AGMO: variants seen among roughly 807,000 people sequenced by gnomAD.
AGMO encodes the protein glyceryl-ether monooxygenase.
AGMO carries 75 observed loss-of-function variants against 60.2 expected under a neutral mutation model. The ratio of observed to expected loss-of-function variants is 1.25; its 90% confidence interval spans 1.03 to 1.51. The LOEUF (loss-of-function observed/expected upper bound fraction) is 1.51. AGMO is among the 40% of genes most tolerant of loss of function. The probability of loss-of-function intolerance (pLI) is 0.00; values close to 1 mark genes in which losing one functional copy is unlikely to be tolerated. For synonymous variants in AGMO, 261 were observed against 177.1 expected (o/e 1.47, Z -3.76); for missense variants, 763 against 525.5 (o/e 1.45, Z -4.42).
At chr7:15,518,906 A>G (rs1330965924) in intron 3 of AGMO, among the ~76,000 whole-genome samples, 1 of 151,976 alleles carries the variant, frequency 6.6e-6, no homozygotes, top group Non-Finnish European at 1.5e-5. Context: ...AATGCAAGGA[A>G]GCTAAGAATA....
intron 12 of AGMO, among the ~76,000 whole-genome samples, chr7:15,285,593 A>G (rs778453446): frequency 2.6e-4 from 40 of 152,124 alleles, no homozygotes; most frequent in Admixed American, 1.1e-3. Flanking sequence ...AAATGGAAAC[A>G]TATCCCAGGC....
At chr7:15,531,395 A>ATATATATTC (rs1784342525) in intron 3 of AGMO, among the ~76,000 whole-genome samples, 1 of 67,374 alleles carries the variant, frequency 1.5e-5, no homozygotes, top group Non-Finnish European at 2.4e-5. Context: ...TATATATTCT[A>ATATATATTC]TATATATATT....
chr7:15,315,934 A>T (rs566778725), intron 12 of AGMO, among the ~76,000 whole-genome samples: 26 of 152,244 alleles, frequency 1.7e-4, no homozygotes, highest in African/African-American at 6.3e-4. Flanking sequence ...CCATTCTAAT[A>T]TCTACTATTT....
intron 4 of AGMO, among the ~76,000 whole-genome samples, chr7:15,422,748 G>A (rs1436420525): frequency 2.6e-5 from 4 of 152,064 alleles, no homozygotes; most frequent in African/African-American, 9.7e-5. Flanking sequence ...ATCCATACAT[G>A]GAGGGGCACG....
intron 12 of AGMO, among the ~76,000 whole-genome samples, chr7:15,231,337 T>A (rs945860471): frequency 6.6e-6 from 1 of 152,206 alleles, no homozygotes; most frequent in Non-Finnish European, 1.5e-5. Context: ...TGATGGACTC[T>A]GCTTCTATAC....
intron 3 of AGMO, among the ~76,000 whole-genome samples, chr7:15,432,361 T>TATACATACATATATATATACACAC (rs370437254): frequency 1.8e-3 from 227 of 123,744 alleles, no homozygotes; most frequent in Middle Eastern, 0.014. Flanking sequence ...CATATATATA[T>TATACATACATATATATATACACAC]ACACACACAT....
At chr7:15,290,978 A>T (rs2128522037) in intron 12 of AGMO, among the ~76,000 whole-genome samples, 1 of 152,206 alleles carries the variant, frequency 6.6e-6, no homozygotes, top group East Asian at 1.9e-4. Flanking sequence ...TAGTCAGCCA[A>T]ATTTAGCTCC....
At chr7:15,422,237 T>G (rs965951921) in intron 4 of AGMO, among the ~76,000 whole-genome samples, 3 of 151,978 alleles carry the variant, frequency 2.0e-5, no homozygotes, top group South Asian at 2.1e-4. Context: ...ATGTATTCCT[T>G]CAATAAAACA....
chr7:15,274,714 T>G (rs1394768498), intron 12 of AGMO, among the ~76,000 whole-genome samples: 11 of 151,372 alleles, frequency 7.3e-5, no homozygotes, highest in Non-Finnish European at 1.6e-4. Flanking sequence ...TTTTGGTAGA[T>G]TTTTTCATTA....
intron 12 of AGMO, among the ~76,000 whole-genome samples, chr7:15,246,949 G>C (rs1403631436): frequency 6.6e-6 from 1 of 151,102 alleles, no homozygotes; most frequent in Non-Finnish European, 1.5e-5. Context: ...GGGATTACAG[G>C]CATGCACCAC....
At chr7:15,394,239 TA>T (rs1462918500) in intron 5 of AGMO, 60 bp from the exon 6 acceptor site, 2 of 1,211,878 alleles carry the variant, frequency 1.7e-6, no homozygotes, top group Non-Finnish European at 1.2e-6. Flanking sequence ...TGTTAGTATA[TA>T]AATGCTCACA....
intron 12 of AGMO, among the ~76,000 whole-genome samples, chr7:15,214,966 GATCCT>G (rs1781693340): frequency 6.6e-6 from 1 of 152,026 alleles, no homozygotes; most frequent in Non-Finnish European, 1.5e-5. Flanking sequence ...TGACAGCAGT[GATCCT>G]ATAAGAGCCT....
At chr7:15,401,498 T>C (rs1784551227) in intron 5 of AGMO, among the ~76,000 whole-genome samples, 1 of 152,142 alleles carries the variant, frequency 6.6e-6, no homozygotes, top group Non-Finnish European at 1.5e-5. Context: ...TCTTACCTCA[T>C]TCTGACTATT....
At chr7:15,464,407 T>A (rs1189707238) in intron 3 of AGMO, among the ~76,000 whole-genome samples, 2 of 152,224 alleles carry the variant, frequency 1.3e-5, no homozygotes, top group Admixed American at 1.3e-4. Flanking sequence ...ATCTCCAGCA[T>A]GCTGCATGTG....
chr7:15,469,080 T>G (rs1782369829), intron 3 of AGMO, among the ~76,000 whole-genome samples: 1 of 152,096 alleles, frequency 6.6e-6, no homozygotes, highest in Non-Finnish European at 1.5e-5. Flanking sequence ...TACGGGTTGT[T>G]TTCGTTGCAT....
At chr7:15,243,668 G>C (rs1782661726) in intron 12 of AGMO, among the ~76,000 whole-genome samples, 1 of 152,010 alleles carries the variant, frequency 6.6e-6, no homozygotes, top group African/African-American at 2.4e-5. Context: ...AAAAACCATT[G>C]AGTTGTTTAG....
chr7:15,153,021 T>A, the AGMO span, among the ~76,000 whole-genome samples: 1 of 152,180 alleles, frequency 6.6e-6, no homozygotes, highest in Non-Finnish European at 1.5e-5. Flanking sequence ...TTTTTGATTA[T>A]GGCCATTCTT....
chr7:15,181,460 A>G, the AGMO span, among the ~76,000 whole-genome samples: 1 of 152,174 alleles, frequency 6.6e-6, no homozygotes, highest in Non-Finnish European at 1.5e-5. Flanking sequence ...CTACCCATAT[A>G]TGAATTGGCT....
intron 12 of AGMO, among the ~76,000 whole-genome samples, chr7:15,203,657 T>C (rs556046518): frequency 3.3e-4 from 50 of 152,252 alleles, no homozygotes; most frequent in African/African-American, 1.2e-3. Flanking sequence ...CACATGCCTT[T>C]ATTAGATTAT....
Sources: gnomAD v4.1 joint callset for allele counts (sites outside exome capture counted in the v4.1 genomes callset) on GRCh38, gnomAD v4.1.1 for gene constraint, MANE v1.5 for transcripts, NCBI Gene and HGNC (gene_info 2026-07-23, HGNC 2026-07-21) for gene names.